THSD4: variants seen among roughly 807,000 people sequenced by gnomAD.
THSD4 encodes the protein thrombospondin type 1 domain containing 4.
THSD4 carries 69 observed loss-of-function variants against 119.0 expected under a neutral mutation model. The observed-to-expected ratio is 0.58, with a 90% CI of 0.48 to 0.71. THSD4 has a LOEUF of 0.71. THSD4 is among the 30% of genes least tolerant of loss of function. The pLI, the probability that THSD4 is intolerant of heterozygous loss-of-function variation, is 0.00. For synonymous variants in THSD4, 524 were observed against 540.4 expected (o/e 0.97, Z 0.42); for missense variants, 1,393 against 1,391.1 (o/e 1.00, Z -0.02).
At chr15:71,761,845 T>C (rs969025333) in intron 15 of THSD4, among the ~76,000 whole-genome samples, 1 of 152,210 alleles carries the variant, frequency 6.6e-6, no homozygotes, top group Non-Finnish European at 1.5e-5. Flanking sequence ...CGAATGCTTC[T>C]GGCAGATGAC....
At chr15:71,276,477 G>T (rs1294029466) in intron 6 of THSD4, among the ~76,000 whole-genome samples, 1 of 152,180 alleles carries the variant, frequency 6.6e-6, no homozygotes, top group East Asian at 1.9e-4. Flanking sequence ...GCTCTGATGT[G>T]CTGGGCTTGG....
At chr15:71,329,373 G>T (rs1323116406) in intron 6 of THSD4, among the ~76,000 whole-genome samples, 1 of 152,194 alleles carries the variant, frequency 6.6e-6, no homozygotes, top group Non-Finnish European at 1.5e-5. Flanking sequence ...GCTTCAGCCT[G>T]AGGAAAGTTC....
intron 7 of THSD4, among the ~76,000 whole-genome samples, chr15:71,562,657 T>C (rs2049145658): frequency 6.6e-6 from 1 of 151,022 alleles, no homozygotes; most frequent in African/African-American, 2.4e-5. Context: ...CTATTCTAAG[T>C]CCCACCTCTT....
intron 7 of THSD4, among the ~76,000 whole-genome samples, chr15:71,638,523 G>T (rs144677612): frequency 1.3e-5 from 2 of 152,150 alleles, no homozygotes; most frequent in African/African-American, 4.8e-5. Context: ...TCTATGAACA[G>T]TATGTCTTTT....
At chr15:71,578,934 C>T (rs1338183977) in intron 7 of THSD4, among the ~76,000 whole-genome samples, 1 of 149,996 alleles carries the variant, frequency 6.7e-6, no homozygotes, top group Non-Finnish European at 1.5e-5. Context: ...AGCTCTGCCT[C>T]CCGGGTTCAA....
chr15:71,576,871 C>T (rs565989097), intron 7 of THSD4, among the ~76,000 whole-genome samples: 2 of 152,212 alleles, frequency 1.3e-5, no homozygotes, highest in African/African-American at 2.4e-5. Flanking sequence ...CTTTGTTATA[C>T]CCTTAAGCTT....
chr15:71,704,327 C>T (rs2052353228), intron 8 of THSD4, among the ~76,000 whole-genome samples: 1 of 152,220 alleles, frequency 6.6e-6, no homozygotes, highest in Non-Finnish European at 1.5e-5. Flanking sequence ...TCCCATAATT[C>T]CCACATGTCG....
At chr15:71,277,905 A>G (rs888059718) in intron 6 of THSD4, among the ~76,000 whole-genome samples, 1 of 152,238 alleles carries the variant, frequency 6.6e-6, no homozygotes, top group Non-Finnish European at 1.5e-5. Context: ...AGCAGAAGCT[A>G]TCATCACTAC....
chr15:71,321,367 C>G (rs971670312), intron 6 of THSD4, among the ~76,000 whole-genome samples: 3 of 152,132 alleles, frequency 2.0e-5, no homozygotes, highest in Non-Finnish European at 4.4e-5. Context: ...AAAACCCTGT[C>G]TCTACTAAAA....
At chr15:71,714,057 T>TG (rs2052562626) in intron 8 of THSD4, among the ~76,000 whole-genome samples, 1 of 6,668 alleles carries the variant, frequency 1.5e-4, no homozygotes, top group Admixed American at 4.1e-3. Context: ...TTGGACAAAG[T>TG]ACAGGTTGGT....
chr15:71,646,326 T>C (rs1364967912), intron 7 of THSD4, among the ~76,000 whole-genome samples: 1 of 152,208 alleles, frequency 6.6e-6, no homozygotes, highest in African/African-American at 2.4e-5. Flanking sequence ...AGTCCATAAG[T>C]TGTCAAAATG....
intron 16 of THSD4, among the ~76,000 whole-genome samples, chr15:71,765,525 G>A (rs777662433): frequency 5.9e-5 from 9 of 152,210 alleles, no homozygotes; most frequent in Non-Finnish European, 1.0e-4. Context: ...AAGTTCCTGA[G>A]GTGTGTTGGA....
chr15:71,636,077 C>G (rs1214870802), intron 7 of THSD4, among the ~76,000 whole-genome samples: 1 of 152,144 alleles, frequency 6.6e-6, no homozygotes, highest in Admixed American at 6.5e-5. Context: ...CATCCAGATT[C>G]TGTCATGGGA....
At chr15:71,247,600 C>T (rs1312349503) in intron 5 of THSD4, among the ~76,000 whole-genome samples, 1 of 152,014 alleles carries the variant, frequency 6.6e-6, no homozygotes, top group Non-Finnish European at 1.5e-5. Flanking sequence ...GAGCAAGTGA[C>T]AGGGGTCCTA....
At chr15:71,599,214 G>A (rs1024930600) in intron 7 of THSD4, among the ~76,000 whole-genome samples, 1 of 152,136 alleles carries the variant, frequency 6.6e-6, no homozygotes, top group African/African-American at 2.4e-5. Context: ...AATCCAATCT[G>A]TTGTCTCTAG....
chr15:71,366,436 C>G (rs1366408598), intron 6 of THSD4, among the ~76,000 whole-genome samples: 1 of 152,156 alleles, frequency 6.6e-6, no homozygotes, highest in Non-Finnish European at 1.5e-5. Flanking sequence ...ATTGTGATAT[C>G]TCCACTGGAT....
chr15:71,409,669 C>T (rs1397847840), intron 6 of THSD4, among the ~76,000 whole-genome samples: 1 of 152,078 alleles, frequency 6.6e-6, no homozygotes, highest in Admixed American at 6.6e-5. Flanking sequence ...CCATGTGGTC[C>T]CAGAGGCTCC....
chr15:71,582,320 T>C (rs2049574698), intron 7 of THSD4, among the ~76,000 whole-genome samples: 1 of 152,206 alleles, frequency 6.6e-6, no homozygotes, highest in African/African-American at 2.4e-5. Flanking sequence ...CTGGTTTTTG[T>C]ATGCTGATGT....
intron 7 of THSD4, among the ~76,000 whole-genome samples, chr15:71,508,346 G>A (rs1002758524): frequency 1.3e-5 from 2 of 152,178 alleles, no homozygotes; most frequent in South Asian, 2.1e-4. Context: ...TTATAGTAAC[G>A]GGCAGGGAAA....
Sources: gnomAD v4.1 joint callset for allele counts (sites outside exome capture counted in the v4.1 genomes callset) on GRCh38, gnomAD v4.1.1 for gene constraint, MANE v1.5 for transcripts, NCBI Gene and HGNC (gene_info 2026-07-23, HGNC 2026-07-21) for gene names.